Variants in NCKAP5 observed in about 807,000 individuals in gnomAD.
NCKAP5 encodes nck-associated protein 5.
A neutral mutation model predicts 167.0 loss-of-function variants in NCKAP5; 92 were observed. That is an observed-to-expected ratio of 0.55 (90% CI 0.47 to 0.66). The LOEUF (loss-of-function observed/expected upper bound fraction) is 0.66. Ranked by LOEUF, NCKAP5 falls within the 30% of genes least tolerant of loss-of-function variation. The pLI is 0.00. For synonymous variants in NCKAP5, 891 were observed against 877.4 expected, an observed-to-expected ratio of 1.02 and a Z score of -0.27; for missense variants, 2,378 against 2,315.0, an observed-to-expected ratio of 1.03 and a Z score of -0.56.
chr2:133,006,626 AT>A (rs11325580), intron 6 of NCKAP5, among the ~76,000 whole-genome samples: 62,791 of 121,376 alleles, frequency 0.52, 13,498 homozygotes, highest in Middle Eastern at 0.62. Flanking sequence ...ATTTTATTTT[AT>A]TTTTTTTTTG....
At chr2:132,860,340 T>G (rs1186989019) in intron 11 of NCKAP5, among the ~76,000 whole-genome samples, 152 bp downstream of exon 11, 1 of 152,218 alleles carries the variant, frequency 6.6e-6, no homozygotes, top group Non-Finnish European at 1.5e-5. Flanking sequence ...TTCAGACACC[T>G]TCAAATTTAA....
intron 3 of NCKAP5, among the ~76,000 whole-genome samples, chr2:133,334,829 C>G (rs1295584158): frequency 6.6e-6 from 1 of 152,130 alleles, no homozygotes; most frequent in East Asian, 1.9e-4. Flanking sequence ...TGCTGCAGTG[C>G]AGAAAACAGT....
At chr2:133,018,954 T>C (rs145293549) in intron 6 of NCKAP5, among the ~76,000 whole-genome samples, 2 of 152,224 alleles carry the variant, frequency 1.3e-5, no homozygotes, top group Non-Finnish European at 2.9e-5. Context: ...CATTAGAGGT[T>C]CATTTCTCTA....
chr2:133,148,654 A>C (rs1196009102), intron 5 of NCKAP5, among the ~76,000 whole-genome samples: 1 of 152,108 alleles, frequency 6.6e-6, no homozygotes, highest in African/African-American at 2.4e-5. Context: ...TTGCCAGTCC[A>C]TTCAGTTCCT....
At chr2:133,636,013 T>TATTA in the NCKAP5 span, among the ~76,000 whole-genome samples, 2 of 152,222 alleles carry the variant, frequency 1.3e-5, no homozygotes, top group Non-Finnish European at 2.9e-5. Flanking sequence ...ATTTTGAGCT[T>TATTA]ATGAACAGTA....
At chr2:133,031,726 G>C (rs1443682349) in intron 6 of NCKAP5, among the ~76,000 whole-genome samples, 1 of 152,054 alleles carries the variant, frequency 6.6e-6, no homozygotes, top group Non-Finnish European at 1.5e-5. Flanking sequence ...TTGAGGAGAG[G>C]AGAGGGAAGA....
intron 13 of NCKAP5, among the ~76,000 whole-genome samples, chr2:132,788,327 T>TTA (rs137867378): frequency 0.043 from 6,544 of 151,914 alleles, 300 homozygotes; most frequent in African/African-American, 0.11. Context: ...GACAAGAATC[T>TTA]TATATATATA....
intron 7 of NCKAP5, among the ~76,000 whole-genome samples, chr2:132,981,969 G>C (rs921212410): frequency 2.6e-5 from 4 of 152,136 alleles, no homozygotes; most frequent in Non-Finnish European, 5.9e-5. Context: ...TCTGACCCTG[G>C]GTTTGGCACT....
intron 5 of NCKAP5, among the ~76,000 whole-genome samples, chr2:133,169,554 T>G (rs2084148945): frequency 6.6e-6 from 1 of 152,196 alleles, no homozygotes; most frequent in Admixed American, 6.5e-5. Context: ...CCAGGACTGC[T>G]GCCATAAGCA....
chr2:133,090,790 C>CG (rs1020245209), intron 6 of NCKAP5, among the ~76,000 whole-genome samples: 2 of 92,886 alleles, frequency 2.2e-5, no homozygotes, highest in Non-Finnish European at 5.0e-5. Context: ...GGAGACTTGG[C>CG]GGGGGAAATT....
At chr2:133,341,380 G>T (rs1363035743) in intron 3 of NCKAP5, among the ~76,000 whole-genome samples, 6 of 151,872 alleles carry the variant, frequency 4.0e-5, no homozygotes, top group Non-Finnish European at 2.9e-5. Context: ...GGGGGATAAG[G>T]TGGAGTGGGC....
chr2:133,185,556 G>A (rs2084911172), intron 5 of NCKAP5, among the ~76,000 whole-genome samples: 1 of 151,964 alleles, frequency 6.6e-6, no homozygotes, highest in Admixed American at 6.6e-5. Context: ...GCTTTGGGCA[G>A]TATGGCCAAC....
chr2:133,451,880 T>C (rs1691573170), intron 3 of NCKAP5, among the ~76,000 whole-genome samples: 1 of 152,128 alleles, frequency 6.6e-6, no homozygotes, highest in Non-Finnish European at 1.5e-5. Flanking sequence ...ACTTCAAACA[T>C]TTCCCTGCTT....
intron 6 of NCKAP5, among the ~76,000 whole-genome samples, chr2:133,015,071 T>G (rs2078284001): frequency 6.6e-6 from 1 of 152,208 alleles, no homozygotes; most frequent in Non-Finnish European, 1.5e-5. Context: ...TTATAACAGA[T>G]AAGCCAGATG....
At chr2:132,736,977 C>T (rs1364116095) in intron 16 of NCKAP5, among the ~76,000 whole-genome samples, 1 of 152,166 alleles carries the variant, frequency 6.6e-6, no homozygotes, top group Non-Finnish European at 1.5e-5. Context: ...AACCCTCTCA[C>T]CTGTTCCCAT....
chr2:132,883,840 T>C (rs1013938270), intron 8 of NCKAP5, among the ~76,000 whole-genome samples: 3 of 152,244 alleles, frequency 2.0e-5, no homozygotes, highest in Non-Finnish European at 4.4e-5. Context: ...TTGTGTTTCC[T>C]GGTGATATGA....
rs968510843 is a variant in NCKAP5, at chr2:133,557,126, G to C, written c.-62+1924C>G. Among the ~76,000 whole-genome samples, 2 of 152,120 alleles carry C rather than the reference G, an allele frequency of 1.3e-5. 1 individual carries two copies. Among genetic ancestry groups the C allele is most frequent in the South Asian group, 4.1e-4 (2 of 4,824 alleles). On this transcript the variant is annotated intron_variant, in intron 2 of 19. Coordinates refer to ENST00000409261, the MANE Select transcript of NCKAP5 (RefSeq NM_207363.3). ...ATAATGAAATGAAAATAATATTTTT[G>C]GTGCTGATAATGCTCCTGGCCGATA...
At chr2:132,966,118 G>C (rs2076655587) in intron 7 of NCKAP5, among the ~76,000 whole-genome samples, 1 of 152,068 alleles carries the variant, frequency 6.6e-6, no homozygotes, top group South Asian at 2.1e-4. Flanking sequence ...TTTATTTTTG[G>C]AAATGGAGAC....
intron 6 of NCKAP5, among the ~76,000 whole-genome samples, chr2:133,094,064 GAC>G (rs925874533): frequency 5.9e-5 from 9 of 152,238 alleles, no homozygotes; most frequent in Non-Finnish European, 1.2e-4. Context: ...TTGACTGAAG[GAC>G]ACACAGGGGG....
Sources: gnomAD v4.1 joint callset for allele counts (sites outside exome capture counted in the v4.1 genomes callset) on GRCh38, gnomAD v4.1.1 for gene constraint, MANE v1.5 for transcripts, NCBI Gene and HGNC (gene_info 2026-07-23, HGNC 2026-07-21) for gene names.